INPP5A: variants seen among roughly 807,000 people sequenced by gnomAD.
The protein encoded by INPP5A is inositol polyphosphate-5-phosphatase A.
INPP5A carries 14 observed loss-of-function variants against 65.2 expected under a neutral mutation model. The ratio of observed to expected loss-of-function variants is 0.21; its 90% CI spans 0.14 to 0.34. The LOEUF (loss-of-function observed/expected upper bound fraction) is 0.34, where lower values mean the gene tolerates loss of function less well. INPP5A is among the 10% of genes least tolerant of loss of function. INPP5A has a pLI of 1.00. For missense variants in INPP5A, 431 were observed against 545.6 expected, an observed-to-expected ratio of 0.79 and a Z score of 2.09; for synonymous variants, 207 against 208.3, an observed-to-expected ratio of 0.99 and a Z score of 0.05.
intron 12 of INPP5A, among the ~76,000 whole-genome samples, chr10:132,769,513 A>G (rs1846912231): frequency 6.6e-6 from 1 of 152,078 alleles, no homozygotes; most frequent in South Asian, 2.1e-4. Context: ...GCCATGTGCT[A>G]TTTCCATCGG....
In INPP5A at chr10:132,627,774, CT is replaced by C. The variant is rs2072207164; in HGVS notation, c.118-18091del. ...CCTCTTCCCCGTGAAAAGCTTCAGA[CT>C]TTCTTCATCCTCAGGGTAACGGCAG... On this transcript the variant is annotated intron_variant, in intron 2 of 15. Transcript: ENST00000368594. The surrounding 1 kb of genome is among the most constrained non-coding windows in gnomAD (Gnocchi z 6.6). Among the ~76,000 whole-genome samples, 1 of 152,144 alleles carries C rather than the reference CT, an allele frequency of 6.6e-6. No homozygotes were observed. Among genetic ancestry groups the C allele is most frequent in the South Asian group, 2.1e-4 (1 of 4,832 alleles).
chr10:132,658,741 G>A (rs1301231860), intron 4 of INPP5A, among the ~76,000 whole-genome samples: 1 of 151,954 alleles, frequency 6.6e-6, no homozygotes, highest in Non-Finnish European at 1.5e-5. Context: ...CAAGGAGGCT[G>A]GGTTGTATGT....
At chr10:132,716,368 G>A (rs959127390) in intron 8 of INPP5A, among the ~76,000 whole-genome samples, 14 of 152,224 alleles carry the variant, frequency 9.2e-5, no homozygotes, top group Non-Finnish European at 1.3e-4. Context: ...AAGCGTCGAC[G>A]TGACGTTGCT....
intron 11 of INPP5A, among the ~76,000 whole-genome samples, chr10:132,757,276 C>G (rs537590641): frequency 1.3e-5 from 2 of 152,250 alleles, no homozygotes; most frequent in Non-Finnish European, 2.9e-5. Flanking sequence ...CGCTCACCCC[C>G]GCCCGCTCAC....
chr10:132,579,157 G>C (rs143544219), intron 1 of INPP5A, among the ~76,000 whole-genome samples: 2 of 152,004 alleles, frequency 1.3e-5, no homozygotes, highest in Non-Finnish European at 2.9e-5. Context: ...AGGCAGAGCC[G>C]CGCCGGTTGC....
Position 132,697,856 on chromosome 10 carries a change from G to A in INPP5A, c.411G>A (p.Ser137=), listed in dbSNP as rs200019705. 7.1e-5 allele frequency: 114 copies of A among 1,613,936 alleles called. No homozygotes were observed. The highest frequency in any genetic ancestry group is 1.0e-4 in the Admixed American group (6 of 60,024). Residue 137 remains serine, a synonymous_variant, in exon 6 of 16, where the codon TCG becomes TCA. Coordinates refer to ENST00000368594, the MANE Select transcript of INPP5A (RefSeq NM_005539.5). This position sits in a 1 kb window ranked among gnomAD's most constrained non-coding sequence, Gnocchi z 5.6. ...YRKVAGKEIY[S]DTLESTPMLE... ...AGGTCGCTGGCAAAGAGATCTACTC[G>A]GATACCTTAGAGAGCACGCCCATGC... is the stretch of plus-strand genomic sequence containing the variant.
chr10:132,736,691 A>G (rs1472854239), intron 9 of INPP5A, among the ~76,000 whole-genome samples: 5 of 152,244 alleles, frequency 3.3e-5, no homozygotes, highest in Non-Finnish European at 4.4e-5. Context: ...GCCCAGCAGC[A>G]TAAGCCCAGG....
At chr10:132,641,413 T>C (rs1019088895) in intron 2 of INPP5A, among the ~76,000 whole-genome samples, 3 of 152,252 alleles carry the variant, frequency 2.0e-5, no homozygotes, top group Non-Finnish European at 2.9e-5. Context: ...TGTGAAGTTA[T>C]ATTTCTCCAT....
chr10:132,538,907 C>A lies in INPP5A; in HGVS notation c.75+736C>A, dbSNP rs1229957459. 6.6e-6 allele frequency among the ~76,000 whole-genome samples: 1 copy of A among 152,176 alleles called. No individual in the cohort carries two copies. Among genetic ancestry groups the A allele is most frequent in the African/African-American group, 2.4e-5 (1 of 41,422 alleles). On this transcript the variant is annotated intron_variant, in intron 1 of 15. Coordinates refer to ENST00000368594, the MANE Select transcript of INPP5A (RefSeq NM_005539.5). This position sits in a 1 kb window ranked among gnomAD's most constrained non-coding sequence, Gnocchi z 4.1. ...CCTCTAAAGCCAATCTAGCCTGACT[C>A]TGAACCCTGAATTTCAACCTCAGGC...
chr10:132,574,256 G>T (rs12770579), intron 1 of INPP5A, among the ~76,000 whole-genome samples: 10 of 61,994 alleles, frequency 1.6e-4, no homozygotes, highest in East Asian at 5.1e-4. Flanking sequence ...GCGTGCCGTG[G>T]GAGGTTTTGT....
intron 3 of INPP5A, among the ~76,000 whole-genome samples, chr10:132,649,027 G>A (rs191450036): frequency 2.8e-4 from 43 of 152,140 alleles, no homozygotes; most frequent in Admixed American, 4.6e-4. Context: ...AGATTGCCTG[G>A]TTCTGCCCCA....
intron 8 of INPP5A, among the ~76,000 whole-genome samples, chr10:132,719,185 G>C (rs1845809641): frequency 6.7e-6 from 1 of 149,046 alleles, no homozygotes; most frequent in Non-Finnish European, 1.5e-5. Context: ...CGGGTTCTGT[G>C]GTACCTGGGT....
rs4504988 is a variant in INPP5A, at chr10:132,781,210, A to G, written c.1158+293A>G. Among the ~76,000 whole-genome samples the G allele has an allele frequency of 1.1e-3, 169 of 152,368 alleles. 5 individuals are homozygous for G. The East Asian group carries it at 0.031, about 28-fold the overall frequency. ...TACATAATTTAATATTTGTAAAAAA[A>G]TGTCCACAGCTGATTGTTTCTGAAG... On this transcript the variant is annotated intron_variant, in intron 14 of 15. Transcript: ENST00000368594.
At chr10:132,635,121 A>G (rs75059651) in intron 2 of INPP5A, among the ~76,000 whole-genome samples, 2,305 of 152,344 alleles carry the variant, frequency 0.015, 33 homozygotes, top group South Asian at 0.039. Context: ...CGTGCTGTCA[A>G]AGAACTCAGT....
In INPP5A at chr10:132,782,843, G is replaced by A. The variant is rs750248643; in HGVS notation, c.*814G>A. ...ACCAGCGGGCCGTTACTCCCATGCC[G>A]TTCTTCTGTGTAATATTAAGAACTG... On this transcript the variant is annotated 3_prime_UTR_variant, in exon 16 of 16. Transcript: ENST00000368594. This position sits in a 1 kb window ranked among gnomAD's most constrained non-coding sequence, Gnocchi z 4.4. 2 of 152,270 alleles carry A rather than the reference G, an allele frequency of 1.3e-5. No homozygotes were observed. Among genetic ancestry groups the A allele is most frequent in the African/African-American group, 2.4e-5 (1 of 41,402 alleles). The allele number at this position is 152,270 out of a possible 1,614,324, so 9.4% of individuals were successfully genotyped here. A position where few individuals can be genotyped will look rare whatever the true frequency, so the allele number is the denominator to read the frequency against.
intron 4 of INPP5A, among the ~76,000 whole-genome samples, chr10:132,666,731 T>C (rs770040991): frequency 1.3e-5 from 2 of 152,230 alleles, no homozygotes; most frequent in Non-Finnish European, 2.9e-5. Context: ...TCAATTTTTA[T>C]TGCTGACCTA....
intron 9 of INPP5A, among the ~76,000 whole-genome samples, chr10:132,747,225 CAG>C (rs1044851217): frequency 1.5e-4 from 23 of 152,366 alleles, no homozygotes; most frequent in African/African-American, 4.8e-4. Flanking sequence ...CCTTGGGACA[CAG>C]GGGTGGGCAG....
intron 1 of INPP5A, among the ~76,000 whole-genome samples, chr10:132,540,754 C>A (rs1276054232): frequency 1.3e-5 from 2 of 152,260 alleles, no homozygotes; most frequent in Admixed American, 1.3e-4. Flanking sequence ...ACGCACCCTG[C>A]AGGCAGTGCT....
intron 8 of INPP5A, among the ~76,000 whole-genome samples, chr10:132,721,499 C>G (rs901073098): frequency 6.6e-6 from 1 of 151,146 alleles, no homozygotes; most frequent in Non-Finnish European, 1.5e-5. Flanking sequence ...TCTGTGGTGC[C>G]TGGGTTCTGT....
Sources: gnomAD v4.1 joint callset for allele counts (sites outside exome capture counted in the v4.1 genomes callset) on GRCh38, gnomAD v4.1.1 for gene constraint, Gnocchi (gnomAD v3.1) non-coding constraint, MANE v1.5 for transcripts, NCBI Gene and HGNC (gene_info 2026-07-23, HGNC 2026-07-21) for gene names.